The following PLPP3 variants were observed in gnomAD, a reference collection of about 807,000 sequenced individuals.
The protein encoded by PLPP3 is PAP2 beta.
PLPP3 carries 6 observed loss-of-function variants against 29.6 expected under a neutral mutation model. The observed-to-expected ratio is 0.20, with a 90% CI of 0.11 to 0.40. PLPP3 has a LOEUF of 0.40. Among genes scored for constraint, PLPP3 ranks in the 10% least tolerant of loss-of-function variants. The pLI, the probability that PLPP3 is intolerant of heterozygous loss-of-function variation, is 1.00. For missense variants in PLPP3, 308 were observed against 407.7 expected, an observed-to-expected ratio of 0.76 and a Z score of 2.11; for synonymous variants, 152 against 159.7, an observed-to-expected ratio of 0.95 and a Z score of 0.36.
At chr1:56,519,657 G>T (rs1645805252) in intron 4 of PLPP3, among the ~76,000 whole-genome samples, 1 of 152,052 alleles carries the variant, frequency 6.6e-6, no homozygotes, top group African/African-American at 2.4e-5. Context: ...CCATGGAGGT[G>T]CAGGGTCAAT....
At chr1:56,578,791 G>A (rs1381499071) in intron 1 of PLPP3, 87 bp downstream of exon 1, 14 of 1,262,026 alleles carry the variant, frequency 1.1e-5, no homozygotes, top group Non-Finnish European at 1.4e-5. Context: ...GCGGCGCGGC[G>A]CGGCGCTGCG....
chr1:56,569,962 C>T (rs573282783), intron 1 of PLPP3, among the ~76,000 whole-genome samples: 2 of 152,326 alleles, frequency 1.3e-5, no homozygotes, highest in South Asian at 2.1e-4. Flanking sequence ...CATCACTCTT[C>T]ACTGTGCTGC....
intron 1 of PLPP3, among the ~76,000 whole-genome samples, chr1:56,571,971 T>C (rs936938755): frequency 5.3e-5 from 8 of 150,860 alleles, no homozygotes; most frequent in African/African-American, 1.9e-4. Flanking sequence ...CCTAGCTCAG[T>C]ACCTTCCTTC....
chr1:56,563,061 G>A (rs1040681849), intron 1 of PLPP3, among the ~76,000 whole-genome samples: 5 of 152,216 alleles, frequency 3.3e-5, no homozygotes, highest in Non-Finnish European at 7.3e-5. Context: ...CCCTTGCTAT[G>A]ATTCCTATGG....
Position 56,557,026 on chromosome 1 carries a change from A to AAGAAAGAGAG in PLPP3, c.140-19915_140-19914insCTCTCTTTCT, listed in dbSNP as rs1553139341. Among the ~76,000 whole-genome samples, 56 of 9,512 alleles carry AAGAAAGAGAG rather than the reference A, an allele frequency of 5.9e-3. 7 individuals carry two copies. The highest frequency in any genetic ancestry group is 0.013 in the African/African-American group (53 of 4,016). 6.2% of individuals were successfully genotyped at this position (9,512 alleles called of 152,430 possible). A position where few individuals can be genotyped will look rare whatever the true frequency, so the allele number is the denominator to read the frequency against. The stretch of plus-strand genomic sequence containing the variant: ...AGAAAGAAAGAGAGAGAGAGAGAGA[A>AAGAAAGAGAG]AGAGAGAGAGAGAGAGAGAGAGAGA... On this transcript the variant is annotated intron_variant, in intron 1 of 5. Coordinates refer to ENST00000371250, the MANE Select transcript of PLPP3 (RefSeq NM_003713.5).
intron 1 of PLPP3, among the ~76,000 whole-genome samples, chr1:56,544,331 C>G (rs544943302): frequency 6.6e-6 from 1 of 152,308 alleles, no homozygotes; most frequent in South Asian, 2.1e-4. Context: ...CTCCAAACCT[C>G]TTTTGTCATC....
rs1469801209 is a variant in PLPP3 at position 56,557,048 on chromosome 1, G to GAAAGAAAGAAAGAAAGAA, written c.140-19937_140-19936insTTCTTTCTTTCTTTCTTT. ...AGAAAGAGAGAGAGAGAGAGAGAGA[G>GAAAGAAAGAAAGAAAGAA]AGAGAGAGAGAAAGAAAGAAAGAAA... On this transcript the variant is annotated intron_variant, in intron 1 of 5. Transcript: ENST00000371250. Among the ~76,000 whole-genome samples the GAAAGAAAGAAAGAAAGAA allele has an allele frequency of 2.5e-4, 2 of 7,848 alleles. 1 individual carries two copies. Among genetic ancestry groups the GAAAGAAAGAAAGAAAGAA allele is most frequent in the Non-Finnish European group, 1.0e-3 (2 of 1,938 alleles). 5.1% of individuals were successfully genotyped at this position (7,848 alleles called of 152,430 possible). A position where few individuals can be genotyped will look rare whatever the true frequency, so the allele number is the denominator to read the frequency against.
At chr1:56,552,041 C>G (rs537855397) in intron 1 of PLPP3, among the ~76,000 whole-genome samples, 76 of 152,298 alleles carry the variant, frequency 5.0e-4, no homozygotes, top group Admixed American at 8.5e-4. Flanking sequence ...GTATTACTGG[C>G]TGACTGTTCC....
chr1:56,507,297 G>A (rs1645710001), intron 5 of PLPP3, among the ~76,000 whole-genome samples: 1 of 152,212 alleles, frequency 6.6e-6, no homozygotes, highest in African/African-American at 2.4e-5. Flanking sequence ...AGGTCATGGA[G>A]CTACAAGGCC....
At chr1:56,520,529 C>T (rs993292360) in intron 4 of PLPP3, among the ~76,000 whole-genome samples, 17 of 152,160 alleles carry the variant, frequency 1.1e-4, no homozygotes, top group African/African-American at 4.1e-4. Context: ...CCCACCTCCT[C>T]TGGTGGGCCG....
At chr1:56,554,809 G>T (rs1646063064) in intron 1 of PLPP3, among the ~76,000 whole-genome samples, 1 of 152,014 alleles carries the variant, frequency 6.6e-6, no homozygotes, top group Admixed American at 6.6e-5. Flanking sequence ...TCCAGCTAAA[G>T]GAAAATAACT....
At chr1:56,554,310 C>T (rs147413712) in intron 1 of PLPP3, among the ~76,000 whole-genome samples, 16 of 152,128 alleles carry the variant, frequency 1.1e-4, no homozygotes, top group South Asian at 4.2e-4. Flanking sequence ...CGGTGGCTGA[C>T]GCCTGTAATC....
At chr1:56,560,832 C>CTTT (rs397860682) in intron 1 of PLPP3, among the ~76,000 whole-genome samples, 58 of 89,358 alleles carry the variant, frequency 6.5e-4, no homozygotes, top group African/African-American at 1.8e-3. Flanking sequence ...ATTCAGAGTC[C>CTTT]TTTTTTTTTT....
chr1:56,552,255 T>G (rs1370485769), intron 1 of PLPP3, among the ~76,000 whole-genome samples: 1 of 148,604 alleles, frequency 6.7e-6, no homozygotes, highest in Non-Finnish European at 1.5e-5. Flanking sequence ...GAAGGAGAGA[T>G]AGATAGATAG....
rs550063969 is a variant in PLPP3 at position 56,508,263 on chromosome 1, G to A, written c.810+3713C>T. Among the ~76,000 whole-genome samples, 3 of 152,306 alleles carry A rather than the reference G, an allele frequency of 2.0e-5. No homozygotes were observed. In the East Asian group the frequency reaches 5.8e-4, roughly 29 times the overall value. On this transcript the variant is annotated intron_variant, in intron 5 of 5. Coordinates refer to ENST00000371250, the MANE Select transcript of PLPP3 (RefSeq NM_003713.5). ...TTGACATGCCGGGAGGTGAAGGGGT[G>A]GAGAGATGAGAGGAGACCTGCCAAA...
chr1:56,504,940 G>A (rs1381414111), intron 5 of PLPP3, among the ~76,000 whole-genome samples: 1 of 151,966 alleles, frequency 6.6e-6, no homozygotes, highest in East Asian at 1.9e-4. Flanking sequence ...CAACTAACTA[G>A]GTGGTTACCA....
intron 1 of PLPP3, among the ~76,000 whole-genome samples, chr1:56,564,471 T>C (rs1377030931): frequency 6.6e-6 from 1 of 152,212 alleles, no homozygotes; most frequent in Non-Finnish European, 1.5e-5. Flanking sequence ...ATGCAAACGT[T>C]ATCATTTGGT....
intron 5 of PLPP3, among the ~76,000 whole-genome samples, chr1:56,509,489 C>A (rs918073573): frequency 2.0e-5 from 3 of 152,160 alleles, no homozygotes; most frequent in African/African-American, 7.2e-5. Context: ...AGTTACCTCT[C>A]TGAGCTAGTT....
chr1:56,575,526 T>C (rs1646229616), intron 1 of PLPP3, among the ~76,000 whole-genome samples: 1 of 152,216 alleles, frequency 6.6e-6, no homozygotes, highest in South Asian at 2.1e-4. Flanking sequence ...TTTATTTTTC[T>C]GCTTTGGTGC....
Sources: allele counts gnomAD v4.1 joint callset (sites outside exome capture counted in the v4.1 genomes callset), GRCh38; gene constraint gnomAD v4.1.1; transcripts MANE v1.5; gene names NCBI Gene and HGNC (gene_info 2026-07-23, HGNC 2026-07-21).